RELN: variants seen among roughly 807,000 people sequenced by gnomAD.
RELN encodes the protein reelin.
A neutral mutation model predicts 427.6 loss-of-function variants in RELN; 108 were observed. The ratio of observed to expected loss-of-function variants is 0.25; its 90% confidence interval spans 0.22 to 0.30. RELN has a LOEUF of 0.30. RELN is among the 10% of genes least tolerant of loss of function. RELN has a pLI of 1.00. For synonymous variants in RELN, 1,524 were observed against 1,513.4 expected, an observed-to-expected ratio of 1.01 and a Z score of -0.16; for missense variants, 3,715 against 4,302.8, an observed-to-expected ratio of 0.86 and a Z score of 3.82.
chr7:103,909,382 A>AT (rs1480636439), intron 2 of RELN, among the ~76,000 whole-genome samples: 1 of 151,856 alleles, frequency 6.6e-6, no homozygotes, highest in African/African-American at 2.4e-5. Flanking sequence ...CATCCTGGCA[A>AT]TGAAACATTA....
intron 64 of RELN, among the ~76,000 whole-genome samples, chr7:103,475,735 A>G (rs186505577): frequency 2.0e-5 from 3 of 152,176 alleles, no homozygotes; most frequent in Non-Finnish European, 1.5e-5. Context: ...TTATTTACTT[A>G]TTATGGAGCT....
chr7:103,597,585 A>G (rs1281199823), intron 24 of RELN, among the ~76,000 whole-genome samples: 1 of 152,134 alleles, frequency 6.6e-6, no homozygotes, highest in Non-Finnish European at 1.5e-5. Flanking sequence ...TTGGGTGACA[A>G]GAGTGAGACT....
At chr7:103,735,998 C>T (rs1254190925) in intron 6 of RELN, among the ~76,000 whole-genome samples, 1 of 152,200 alleles carries the variant, frequency 6.6e-6, no homozygotes, top group East Asian at 1.9e-4. Context: ...TTGTAATTTC[C>T]TGACCCAAAG....
intron 2 of RELN, among the ~76,000 whole-genome samples, chr7:103,910,920 T>C (rs1474481543): frequency 7.2e-6 from 1 of 139,026 alleles, no homozygotes; most frequent in Non-Finnish European, 1.5e-5. Context: ...ACCTAGGCAT[T>C]ACTATTCAGG....
At chr7:103,833,730 T>C in intron 2 of RELN, 58 bp from the exon 3 acceptor site, 2 of 1,495,480 alleles carry the variant, frequency 1.3e-6, no homozygotes, top group Non-Finnish European at 1.8e-6. Flanking sequence ...CTTCCTATCA[T>C]GGCATCACAG....
At chr7:103,753,722 A>G (rs1011114032) in intron 4 of RELN, among the ~76,000 whole-genome samples, 2 of 152,218 alleles carry the variant, frequency 1.3e-5, no homozygotes, top group African/African-American at 2.4e-5. Context: ...CCTAACGTGA[A>G]TTGTGTCTCC....
chr7:103,737,481 G>A (rs1790524329), intron 6 of RELN, among the ~76,000 whole-genome samples: 1 of 152,172 alleles, frequency 6.6e-6, no homozygotes, highest in South Asian at 2.1e-4. Flanking sequence ...CATGGGGGTT[G>A]TCCAAGATAC....
intron 8 of RELN, among the ~76,000 whole-genome samples, chr7:103,721,234 A>G (rs1005176379): frequency 1.5e-4 from 21 of 138,588 alleles, no homozygotes; most frequent in Admixed American, 3.6e-4. Context: ...CCCTTCCTTC[A>G]TTTTCTCCTT....
In RELN at chr7:103,540,274, G is replaced by A. The variant is rs144565023; in HGVS notation, c.6853C>T (p.Arg2285Cys). Reference sequence around the variant, plus strand: ...CAGCGAAGGCGAGTAGAACCAGAACGGGCTTTCAAGGGTATCTCCAGGGCA... The same window carrying A: ...CAGCGAAGGCGAGTAGAACCAGAACAGGCTTTCAAGGGTATCTCCAGGGCA... ...YIALEIPLKA[R>C]SGSTRLRWWQ... Residue 2285 changes from arginine to cysteine, a missense_variant, in exon 44 of 65, where the codon CGT becomes TGT. By Grantham distance (180) the Arg-to-Cys change is radical (BLOSUM62 -3). Coordinates refer to ENST00000428762, the MANE Select transcript of RELN (RefSeq NM_005045.4). 1.8e-5 allele frequency: 29 copies of A among 1,614,060 alleles called. No individual in the cohort carries two copies. The Middle Eastern group carries it at 4.9e-4, about 27-fold the overall frequency.
intron 46 of RELN, among the ~76,000 whole-genome samples, chr7:103,533,354 T>C (rs1043560366): frequency 1.2e-4 from 19 of 152,214 alleles, no homozygotes; most frequent in Non-Finnish European, 2.6e-4. Flanking sequence ...GAGACAGCGA[T>C]TTTAATTTAA....
chr7:103,604,898 C>T (rs867725363), intron 22 of RELN, among the ~76,000 whole-genome samples: 12 of 148,968 alleles, frequency 8.1e-5, no homozygotes, highest in Middle Eastern at 7.1e-3. Flanking sequence ...GGTGCGATCT[C>T]GGCTCACTGC....
rs16872018 is a variant in RELN, at chr7:103,515,582, A to G, written c.7863-141T>C. ...GGACATAAGCTAAAATAATTTTCAA[A>G]AACCACGATTAACTGGCTTAATTTT... On this transcript the variant is annotated intron_variant, in intron 49 of 64. Transcript: ENST00000428762. 56,537 of 1,051,224 alleles carry G rather than the reference A, an allele frequency of 0.054. 2,106 individuals are homozygous for G. Among genetic ancestry groups the G allele is most frequent in the East Asian group, 0.17 (6,669 of 39,632 alleles). The allele number at this position is 1,051,224 out of a possible 1,614,324, so 65.1% of individuals were successfully genotyped here. A position where few individuals can be genotyped will look rare whatever the true frequency, so the allele number is the denominator to read the frequency against.
chr7:103,848,873 A>T (rs39394), intron 2 of RELN, among the ~76,000 whole-genome samples: 122,178 of 152,108 alleles, frequency 0.8, 49,120 homozygotes, highest in South Asian at 0.88. Flanking sequence ...ACCATTTCCA[A>T]GAACCTACAC....
chr7:103,887,328 G>A (rs1040192571), intron 2 of RELN, among the ~76,000 whole-genome samples: 3 of 152,152 alleles, frequency 2.0e-5, no homozygotes, highest in Non-Finnish European at 2.9e-5. Context: ...GGAGGGTCTC[G>A]GTTCATAGGC....
At chr7:103,952,427 T>C (rs185171152) in intron 1 of RELN, among the ~76,000 whole-genome samples, 1 of 152,338 alleles carries the variant, frequency 6.6e-6, no homozygotes, top group East Asian at 1.9e-4. Flanking sequence ...TTTTAGGTAT[T>C]TACTTATGAG....
At chr7:103,554,629 C>T (rs1332627108) in intron 38 of RELN, among the ~76,000 whole-genome samples, 1 of 150,266 alleles carries the variant, frequency 6.7e-6, no homozygotes, top group Non-Finnish European at 1.5e-5. Context: ...ATTGATATAC[C>T]ATGGAACTGC....
chr7:103,532,270 C>A (rs1024428472), intron 46 of RELN, among the ~76,000 whole-genome samples: 2 of 152,014 alleles, frequency 1.3e-5, no homozygotes, highest in Admixed American at 1.3e-4. Flanking sequence ...AAGGGGGGAA[C>A]AACACACACT....
At chr7:103,496,913 G>C (rs1171414196) in intron 55 of RELN, 145 bp from the exon 56 acceptor site, 1 of 819,792 alleles carries the variant, frequency 1.2e-6, no homozygotes. Context: ...TTTGATATTA[G>C]GTATTCACTA....
At chr7:103,738,643 T>G (rs1173163765) in intron 6 of RELN, among the ~76,000 whole-genome samples, 1 of 151,288 alleles carries the variant, frequency 6.6e-6, no homozygotes, top group African/African-American at 2.4e-5. Flanking sequence ...AATGAACTCT[T>G]GGGTCTGGCA....
Sources: allele counts gnomAD v4.1 joint callset (sites outside exome capture counted in the v4.1 genomes callset), GRCh38; gene constraint gnomAD v4.1.1; transcripts MANE v1.5; gene names NCBI Gene and HGNC (gene_info 2026-07-23, HGNC 2026-07-21).